Variants in C10orf71 observed in about 807,000 individuals in gnomAD.
C10orf71 encodes the protein cardiac-enriched FHL2-interacting protein.
For missense variants in C10orf71, 1,869 were observed against 1,804.5 expected, an observed-to-expected ratio of 1.04 and a Z score of -0.65; for synonymous variants, 758 against 726.3, an observed-to-expected ratio of 1.04 and a Z score of -0.70.
chr10:49,309,179 T>C (rs1848868600), intron 1 of C10orf71, among the ~76,000 whole-genome samples: 1 of 152,212 alleles, frequency 6.6e-6, no homozygotes, highest in African/African-American at 2.4e-5. Context: ...ATTTTGCCAT[T>C]TCACTGTTGG....
rs1590342510 is a variant in C10orf71, at chr10:49,325,315, G to C, written c.2770G>C (p.Gly924Arg). ...TACATCGACACCCACTAACACACGG[G>C]GCACACGTGTGAAGTGCATGGCCAA... The part of the protein sequence containing the change: ...LGTSTPTNTR[G>R]TRVKCMANEV... The change falls in exon 3 of 3, where the codon GGC becomes CGC. Residue 924 changes from glycine (G) to arginine (R), a missense_variant. Transcript: ENST00000374144. The C allele has an allele frequency of 6.4e-7, 1 of 1,551,712 alleles. No individual in the cohort carries two copies. Among genetic ancestry groups the C allele is most frequent in the Non-Finnish European group, 8.7e-7 (1 of 1,147,014 alleles).
chr10:49,320,686 T>G (rs1160036944), intron 2 of C10orf71, among the ~76,000 whole-genome samples: 1 of 152,204 alleles, frequency 6.6e-6, no homozygotes, highest in Non-Finnish European at 1.5e-5. Flanking sequence ...TGGGTCTGAT[T>G]CTGCAGAAGA....
chr10:49,303,818 G>T (rs1292678817), intron 1 of C10orf71, among the ~76,000 whole-genome samples: 1 of 151,814 alleles, frequency 6.6e-6, no homozygotes, highest in African/African-American at 2.4e-5. Context: ...GTGCTGGTCA[G>T]CTCCTTACAT....
At position 49,325,722 on chromosome 10, in the gene C10orf71, C is replaced by G; in HGVS notation, c.3177C>G (p.Pro1059=). The G allele has an allele frequency of 1.9e-6, 3 of 1,551,598 alleles. No individual in the cohort carries two copies. The highest frequency in any genetic ancestry group is 4.9e-5 in the East Asian group (2 of 40,908). ...GTGAGAGGGCGAATTCCCCCAACCC[C>G]GGCTCCCCCGGGGAGAGCAGTGCCT... The part of the protein sequence containing the change: ...VPSERANSPN[P]GSPGESSACS... Residue 1059 remains proline, a synonymous_variant, in exon 3 of 3, where the codon CCC becomes CCG. Coordinates refer to ENST00000374144, the MANE Select transcript of C10orf71 (RefSeq NM_001135196.2).
At position 49,326,849 on chromosome 10, in the gene C10orf71, C is replaced by A; in HGVS notation, c.4304C>A (p.Ser1435Tyr). Residue 1435 changes from serine (S) to tyrosine (Y), a missense_variant, in exon 3 of 3, where the codon TCT becomes TAT. Coordinates refer to ENST00000374144, the MANE Select transcript of C10orf71 (RefSeq NM_001135196.2). ...DLEDFATEGI[S>Y] ...GAGGACTTTGCCACAGAAGGCATTTCTTGAGTTACTGCAGGCTGTCCCCCA... is the reference window on the plus strand; with the variant it reads ...GAGGACTTTGCCACAGAAGGCATTTATTGAGTTACTGCAGGCTGTCCCCCA... 4 of 1,535,294 alleles carry A rather than the reference C, an allele frequency of 2.6e-6. No individual in the cohort carries two copies. The highest frequency in any genetic ancestry group is 3.5e-6 in the Non-Finnish European group (4 of 1,140,810).
Position 49,325,030 on chromosome 10 carries a change from G to A in C10orf71, c.2485G>A (p.Glu829Lys), listed in dbSNP as rs1205288512. Residue 829 changes from glutamate (E) to lysine (K), a missense_variant, in exon 3 of 3, where the codon GAA becomes AAA. Coordinates refer to ENST00000374144, the MANE Select transcript of C10orf71 (RefSeq NM_001135196.2). The stretch of plus-strand genomic sequence containing the variant: ...TAATTTCAGAGGCTCTTGGATTGGG[G>A]AAAATAAGGGCACAACCTTTTCACA... ...EANFRGSWIGENKGTTFSQAK... is the reference protein window; with the variant it reads ...EANFRGSWIGKNKGTTFSQAK... 20 of 1,551,730 alleles carry A rather than the reference G, an allele frequency of 1.3e-5. No individual in the cohort carries two copies. The highest frequency in any genetic ancestry group is 1.1e-4 in the South Asian group (9 of 84,056).
At chr10:49,313,502 T>A (rs994795214) in intron 1 of C10orf71, among the ~76,000 whole-genome samples, 3 of 152,096 alleles carry the variant, frequency 2.0e-5, no homozygotes, top group African/African-American at 7.2e-5. Context: ...AAAATGTTGA[T>A]ATGAACAAGT....
intron 1 of C10orf71, among the ~76,000 whole-genome samples, chr10:49,305,118 T>C (rs1451168384): frequency 1.3e-5 from 2 of 152,230 alleles, no homozygotes; most frequent in Middle Eastern, 3.4e-3. Context: ...CCAGGTGTCA[T>C]GGGGTATGGG....
intron 1 of C10orf71, among the ~76,000 whole-genome samples, chr10:49,305,565 A>G (rs80006021): frequency 6.6e-6 from 1 of 152,156 alleles, no homozygotes; most frequent in Non-Finnish European, 1.5e-5. Context: ...TCATTCACTC[A>G]CTTGTTTAGC....
intron 2 of C10orf71, among the ~76,000 whole-genome samples, chr10:49,319,135 C>T (rs1849047689): frequency 6.6e-6 from 1 of 152,238 alleles, no homozygotes; most frequent in Non-Finnish European, 1.5e-5. Context: ...CTTGCATCCA[C>T]TCTGGGGTCA....
chr10:49,300,348 G>T lies in C10orf71; in HGVS notation c.-248+1115G>T, dbSNP rs1306317332. Among the ~76,000 whole-genome samples, 4 of 151,362 alleles carry T rather than the reference G, an allele frequency of 2.6e-5. No individual in the cohort carries two copies. The Admixed American group carries it at 2.6e-4, about 10-fold the overall frequency. Reference sequence around the variant, plus strand: ...CTAAAGCTGCTTCTACACTATATCAGCAGAAACCATATGGCCTGCAAAACT... The same window carrying T: ...CTAAAGCTGCTTCTACACTATATCATCAGAAACCATATGGCCTGCAAAACT... On this transcript the variant is annotated intron_variant, in intron 1 of 2. Coordinates refer to ENST00000374144, the MANE Select transcript of C10orf71 (RefSeq NM_001135196.2).
At position 49,323,567 on chromosome 10, in the gene C10orf71, G is replaced by A. The variant is rs753223471; in HGVS notation, c.1022G>A (p.Gly341Glu). ...CAGGAAGAGAACAGACTTGCAGCAG[G>A]GGCTCTGTCCACATCTATACCCTGG... ...CSQEENRLAA[G>E]ALSTSIPWGC... The change falls in exon 3 of 3, where the codon GGG (glycine) becomes GAG (glutamate). Residue 341 changes from glycine to glutamate, a missense_variant. Coordinates refer to ENST00000374144, the MANE Select transcript of C10orf71 (RefSeq NM_001135196.2). 7 of 1,605,302 alleles carry A rather than the reference G, an allele frequency of 4.4e-6. No homozygotes were observed. The South Asian group carries it at 4.4e-5, about 10-fold the overall frequency.
At chr10:49,321,383 A>T (rs1318097204) in intron 2 of C10orf71, among the ~76,000 whole-genome samples, 3 of 152,180 alleles carry the variant, frequency 2.0e-5, no homozygotes, top group African/African-American at 7.2e-5. Flanking sequence ...GTTATCATAA[A>T]TTTAAAAATT....
At chr10:49,298,319 A>G (rs77756470), upstream of C10orf71, among the ~76,000 whole-genome samples, 4 of 152,214 alleles carry the variant, frequency 2.6e-5, no homozygotes, top group Non-Finnish European at 5.9e-5. Context: ...AGGGAAGCAT[A>G]AAAAAGAACC....
At position 49,323,233 on chromosome 10, in the gene C10orf71, C is replaced by G; in HGVS notation, c.688C>G (p.His230Asp). The G allele has an allele frequency of 1.2e-6, 2 of 1,613,896 alleles. No homozygotes were observed. Among genetic ancestry groups the G allele is most frequent in the Non-Finnish European group, 8.5e-7 (1 of 1,179,868 alleles). ...CTCCAAGAATCCAGAAATGGCCTGTCACGGCTCCAGCAGCTTCCTCCCAGC... is the reference window on the plus strand; with the variant it reads ...CTCCAAGAATCCAGAAATGGCCTGTGACGGCTCCAGCAGCTTCCTCCCAGC... ...ESSKNPEMACHGSSSFLPAAN... is the reference protein window; with the variant it reads ...ESSKNPEMACDGSSSFLPAAN... The change falls in exon 3 of 3, where the codon CAC becomes GAC. Residue 230 changes from histidine to aspartate, a missense_variant. Coordinates refer to ENST00000374144, the MANE Select transcript of C10orf71 (RefSeq NM_001135196.2).
In C10orf71 at chr10:49,323,494, C is replaced by T; in HGVS notation, c.949C>T (p.Pro317Ser). 1 of 1,613,614 alleles carries T rather than the reference C, an allele frequency of 6.2e-7. No individual in the cohort carries two copies. Among genetic ancestry groups the T allele is most frequent in the Non-Finnish European group, 8.5e-7 (1 of 1,179,582 alleles). Residue 317 changes from proline (P) to serine (S), a missense_variant, in exon 3 of 3, where the codon CCT (proline) becomes TCT (serine). Physicochemically the swap from Pro to Ser is moderately conservative, Grantham distance 74. Coordinates refer to ENST00000374144, the MANE Select transcript of C10orf71 (RefSeq NM_001135196.2). ...GDTTLLREPC[P>S]PERTVSPCQV... ...CACGACCTTGCTAAGAGAACCCTGT[C>T]CTCCTGAGCGCACAGTCTCTCCCTG...
intron 1 of C10orf71, among the ~76,000 whole-genome samples, chr10:49,315,132 G>A (rs1047663206): frequency 2.0e-5 from 3 of 152,154 alleles, no homozygotes; most frequent in Non-Finnish European, 4.4e-5. Flanking sequence ...CAGGGATGGG[G>A]CCTCGCCGTA....
intron 1 of C10orf71, among the ~76,000 whole-genome samples, chr10:49,315,096 G>C (rs189491889): frequency 2.1e-3 from 319 of 152,296 alleles, no homozygotes; most frequent in Middle Eastern, 0.017. Context: ...ACACGAAGGA[G>C]GCCCATCTAA....
chr10:49,310,846 G>A (rs770365739), intron 1 of C10orf71, among the ~76,000 whole-genome samples: 1 of 152,096 alleles, frequency 6.6e-6, no homozygotes, highest in Non-Finnish European at 1.5e-5. Context: ...GGAAGTCGTC[G>A]TCCAGTGGAA....
Sources: gnomAD v4.1 joint callset for allele counts (sites outside exome capture counted in the v4.1 genomes callset) on GRCh38, gnomAD v4.1.1 for gene constraint, MANE v1.5 for transcripts, NCBI Gene and HGNC (gene_info 2026-07-23, HGNC 2026-07-21) for gene names.